AOAH: variants seen among roughly 807,000 people sequenced by gnomAD.
The protein encoded by AOAH is acyloxyacyl hydrolase (neutrophil).
A neutral mutation model predicts 92.2 loss-of-function variants in AOAH; 64 were observed. The ratio of observed to expected loss-of-function variants is 0.69; its 90% confidence interval spans 0.57 to 0.86. AOAH has a LOEUF of 0.86. AOAH is among the 40% of genes least tolerant of loss of function. The pLI is 0.00. For missense variants in AOAH, 656 were observed against 694.6 expected, an observed-to-expected ratio of 0.94 and a Z score of 0.62; for synonymous variants, 263 against 254.5, an observed-to-expected ratio of 1.03 and a Z score of -0.32.
intron 6 of AOAH, among the ~76,000 whole-genome samples, chr7:36,631,771 A>C (rs1224736124): frequency 6.6e-6 from 1 of 152,186 alleles, no homozygotes; most frequent in Non-Finnish European, 1.5e-5. Context: ...ACTTGCCGGC[A>C]GTGAGCCTCA....
chr7:36,685,537 A>C (rs1424197789), intron 2 of AOAH, among the ~76,000 whole-genome samples: 2 of 152,210 alleles, frequency 1.3e-5, no homozygotes, highest in Non-Finnish European at 2.9e-5. Context: ...TTTACAAAGA[A>C]AAACCAAAAA....
At chr7:36,702,173 AAAGT>A (rs1013110080) in intron 1 of AOAH, among the ~76,000 whole-genome samples, 9 of 72,828 alleles carry the variant, frequency 1.2e-4, no homozygotes, top group Non-Finnish European at 1.4e-4. Flanking sequence ...ATTTTGAAGT[AAAGT>A]AAGAGAAGTG....
intron 16 of AOAH, among the ~76,000 whole-genome samples, chr7:36,536,069 A>G (rs1785036066): frequency 1.3e-5 from 2 of 152,118 alleles, no homozygotes; most frequent in African/African-American, 4.8e-5. Flanking sequence ...GCGAGGAGAG[A>G]TTCGTCACCC....
chr7:36,724,153 G>A lies in AOAH; in HGVS notation c.-5C>T, dbSNP rs766963534. ...GATTTTCCAGGGGGACTGCATCTCC[G>A]AGCTATGCACCCCAAGTGATCACCC... On this transcript the variant is annotated 5_prime_UTR_variant, in exon 1 of 21. Transcript: ENST00000617537. The A allele has an allele frequency of 9.3e-6, 15 of 1,612,570 alleles. No homozygotes were observed. Among genetic ancestry groups the A allele is most frequent in the Middle Eastern group, 1.7e-4 (1 of 6,048 alleles).
chr7:36,677,056 C>G (rs907313669), intron 2 of AOAH, among the ~76,000 whole-genome samples: 1 of 149,252 alleles, frequency 6.7e-6, no homozygotes, highest in African/African-American at 2.5e-5. Context: ...AAAGCACAAG[C>G]AAAAGAAGAA....
chr7:36,585,875 T>C (rs1234550895), intron 12 of AOAH, among the ~76,000 whole-genome samples: 1 of 152,224 alleles, frequency 6.6e-6, no homozygotes, highest in East Asian at 1.9e-4. Context: ...CTTTTTACTT[T>C]ATACACATTA....
chr7:36,642,156 A>G (rs1434549275), intron 4 of AOAH, among the ~76,000 whole-genome samples: 2 of 152,036 alleles, frequency 1.3e-5, no homozygotes, highest in African/African-American at 4.8e-5. Flanking sequence ...TATTAGGTTG[A>G]TGCAAAAGTA....
intron 16 of AOAH, among the ~76,000 whole-genome samples, chr7:36,539,758 A>G (rs988008306): frequency 2.0e-5 from 3 of 152,230 alleles, no homozygotes; most frequent in African/African-American, 7.2e-5. Context: ...AGGGTTAAGG[A>G]TCACACCTTC....
chr7:36,546,464 C>A (rs1562555215), intron 15 of AOAH, among the ~76,000 whole-genome samples: 1 of 152,202 alleles, frequency 6.6e-6, no homozygotes, highest in Non-Finnish European at 1.5e-5. Flanking sequence ...TCCCATACTG[C>A]CAACTCTGTT....
intron 11 of AOAH, among the ~76,000 whole-genome samples, chr7:36,606,942 G>A (rs965230895): frequency 4.6e-5 from 7 of 152,118 alleles, no homozygotes; most frequent in East Asian, 1.9e-4. Flanking sequence ...CAGACAGGTC[G>A]GAATGAGACT....
intron 1 of AOAH, among the ~76,000 whole-genome samples, chr7:36,703,473 C>T (rs1224503410): frequency 1.3e-5 from 2 of 152,120 alleles, no homozygotes. Flanking sequence ...TATACACGTG[C>T]CATGGTGATT....
chr7:36,675,276 T>C (rs1287664662), intron 2 of AOAH, among the ~76,000 whole-genome samples: 2 of 152,170 alleles, frequency 1.3e-5, no homozygotes, highest in Admixed American at 6.5e-5. Context: ...AATAAATAAA[T>C]TGTGCCTTTG....
At chr7:36,598,811 AC>A (rs1193382360) in intron 11 of AOAH, among the ~76,000 whole-genome samples, 1 of 152,256 alleles carries the variant, frequency 6.6e-6, no homozygotes, top group Non-Finnish European at 1.5e-5. Flanking sequence ...CACATTAAAC[AC>A]TAAAAGCCTT....
At chr7:36,515,364 A>G (rs1583700076) in intron 20 of AOAH, among the ~76,000 whole-genome samples, 1 of 72,476 alleles carries the variant, frequency 1.4e-5, no homozygotes, top group Non-Finnish European at 2.6e-5. Context: ...CCCCACACAC[A>G]CACCACACAC....
chr7:36,687,957 C>T (rs1797140187), intron 1 of AOAH, among the ~76,000 whole-genome samples: 2 of 152,288 alleles, frequency 1.3e-5, no homozygotes, highest in South Asian at 2.1e-4. Context: ...CTAGATGCTG[C>T]AATATCTGAT....
At chr7:36,519,270 CA>C (rs1195375641) in intron 20 of AOAH, among the ~76,000 whole-genome samples, 1 of 152,192 alleles carries the variant, frequency 6.6e-6, no homozygotes, top group African/African-American at 2.4e-5. Context: ...ACTCTCTGGC[CA>C]CACTGAGCGC....
Position 36,613,165 on chromosome 7 carries a change from C to T in AOAH, c.846+3215G>A, listed in dbSNP as rs1342285122. Among the ~76,000 whole-genome samples, 3 of 152,058 alleles carry T rather than the reference C, an allele frequency of 2.0e-5. No homozygotes were observed. In the East Asian group the frequency reaches 5.8e-4, roughly 29 times the overall value. ...TGACTGAGAATAAGCTTCTGTAGTC[C>T]TCATGTGAGAACAATAGCTTGCCAT... On this transcript the variant is annotated intron_variant, in intron 11 of 20. Coordinates refer to ENST00000617537, the MANE Select transcript of AOAH (RefSeq NM_001637.4).
At chr7:36,619,120 T>G (rs940660651) in intron 9 of AOAH, among the ~76,000 whole-genome samples, 2 of 152,148 alleles carry the variant, frequency 1.3e-5, no homozygotes, top group Non-Finnish European at 2.9e-5. Context: ...AACAAGAGTG[T>G]GCTCACTCTC....
At chr7:36,558,387 T>G (rs974354881) in intron 13 of AOAH, among the ~76,000 whole-genome samples, 2 of 152,180 alleles carry the variant, frequency 1.3e-5, no homozygotes, top group Admixed American at 1.3e-4. Flanking sequence ...AGGTGTCAGT[T>G]TGCCCCTACT....
Sources: gnomAD v4.1 joint callset for allele counts (sites outside exome capture counted in the v4.1 genomes callset) on GRCh38, gnomAD v4.1.1 for gene constraint, MANE v1.5 for transcripts, NCBI Gene and HGNC (gene_info 2026-07-23, HGNC 2026-07-21) for gene names.